The following SLCO5A1 variants were observed in gnomAD, a reference collection of about 807,000 sequenced individuals.
SLCO5A1 encodes the protein organic anion transporter polypeptide-related protein 4.
Under a neutral mutation model 65.1 loss-of-function variants are expected in SLCO5A1, and 39 were observed. The ratio of observed to expected loss-of-function variants is 0.60; its 90% confidence interval spans 0.46 to 0.78. The LOEUF (loss-of-function observed/expected upper bound fraction) is 0.78, where lower values mean the gene tolerates loss of function less well. SLCO5A1 is among the 30% of genes least tolerant of loss of function. The pLI is 0.00. For missense variants in SLCO5A1, 1,029 were observed against 1,069.4 expected, an observed-to-expected ratio of 0.96 and a Z score of 0.53; for synonymous variants, 438 against 415.7, an observed-to-expected ratio of 1.05 and a Z score of -0.65.
chr8:69,821,446 G>A (rs566025698), intron 2 of SLCO5A1, among the ~76,000 whole-genome samples: 37 of 151,566 alleles, frequency 2.4e-4, no homozygotes, highest in African/African-American at 6.5e-4. Flanking sequence ...GGAGGAGGAG[G>A]AGGAGAAGGA....
intron 2 of SLCO5A1, among the ~76,000 whole-genome samples, chr8:69,776,009 C>T (rs1009851289): frequency 2.0e-5 from 3 of 150,532 alleles, no homozygotes; most frequent in Non-Finnish European, 4.4e-5. Context: ...GACCCTGTCT[C>T]AAAAAAAGAA....
In SLCO5A1 at chr8:69,669,870, T is replaced by G. The variant is rs16936267; in HGVS notation, c.*2999A>C. The G allele has an allele frequency of 6.6e-6, 1 of 151,536 alleles. No individual in the cohort carries two copies. Among genetic ancestry groups the G allele is most frequent in the Non-Finnish European group, 1.5e-5 (1 of 67,938 alleles). The allele number at this position is 151,536 out of a possible 1,614,324, so 9.4% of individuals were successfully genotyped here. On this transcript the variant is annotated 3_prime_UTR_variant, in exon 10 of 10. Transcript: ENST00000260126. ...AGGTAATTAAGAGGATCAAAATGAA[T>G]GATGATGTATATTAAGTGCTTGTCA...
Position 69,832,027 on chromosome 8 carries a change from T to TGAGGTAAGGC in SLCO5A1, c.637_646dup (p.His216ArgfsTer47), listed in dbSNP as rs1169614898. The stretch of plus-strand genomic sequence containing the variant: ...GATCTGGTAGGGGGGCGAGATGAAG[T>TGAGGTAAGGC]GAGGTAAGGCGAAGAGGGCTGCCCC... On this transcript the variant is annotated frameshift_variant, in exon 2 of 10. Transcript: ENST00000260126. LOFTEE classifies it high-confidence loss of function. The surrounding 1 kb of genome is among the most constrained non-coding windows in gnomAD (Gnocchi z 4.5). 6.2e-7 allele frequency: 1 copy of TGAGGTAAGGC among 1,605,896 alleles called. No individual in the cohort carries two copies. The highest frequency in any genetic ancestry group is 1.3e-5 in the African/African-American group (1 of 74,536).
chr8:69,710,985 G>A (rs1190156325), intron 5 of SLCO5A1, among the ~76,000 whole-genome samples: 4 of 148,296 alleles, frequency 2.7e-5, no homozygotes, highest in African/African-American at 7.6e-5. Flanking sequence ...GCAGGGATGG[G>A]GTCGGACAGT....
At position 69,832,117 on chromosome 8, in the gene SLCO5A1, C is replaced by T. The variant is rs753503254; in HGVS notation, c.557G>A (p.Ser186Asn). The change falls in exon 2 of 10, where the codon AGC (serine) becomes AAC (asparagine). Residue 186 changes from serine to asparagine, a missense_variant. Transcript: ENST00000260126. This position sits in a 1 kb window ranked among gnomAD's most constrained non-coding sequence, Gnocchi z 4.5. The part of the protein sequence containing the change: ...IGNLVVVVFV[S>N]YFGGRGRRPL... ...CCGCCGACCCCGGCCGCCGAAGTAG[C>T]TGACGAACACCACCACCACCAGGTT... is the stretch of plus-strand genomic sequence containing the variant. The T allele has an allele frequency of 6.2e-7, 1 of 1,614,156 alleles. No homozygotes were observed. Among genetic ancestry groups the T allele is most frequent in the Non-Finnish European group, 8.5e-7 (1 of 1,180,038 alleles).
At chr8:69,739,629 G>C (rs767512174) in intron 4 of SLCO5A1, among the ~76,000 whole-genome samples, 10 of 152,028 alleles carry the variant, frequency 6.6e-5, no homozygotes, top group Non-Finnish European at 1.0e-4. Context: ...AGAAAGTTAA[G>C]ACTGCTCACT....
intron 2 of SLCO5A1, among the ~76,000 whole-genome samples, chr8:69,766,426 T>C (rs966882908): frequency 6.6e-6 from 1 of 152,198 alleles, no homozygotes; most frequent in African/African-American, 2.4e-5. Context: ...GCTCCAGTCA[T>C]ACTGGTCTCC....
intron 2 of SLCO5A1, among the ~76,000 whole-genome samples, chr8:69,777,169 A>G (rs4360297): frequency 0.065 from 9,892 of 152,276 alleles, 1,003 homozygotes; most frequent in African/African-American, 0.22. Context: ...AGAGATGAAG[A>G]GATAAACAAA....
rs977968286 is a variant in SLCO5A1 at position 69,677,706 on chromosome 8, ACAG to A, written c.2025-1036_2025-1034del. Among the ~76,000 whole-genome samples the A allele has an allele frequency of 2.0e-4, 30 of 152,350 alleles. 1 individual carries two copies. The highest frequency in any genetic ancestry group is 1.4e-3 in the Admixed American group (22 of 15,300). Reference sequence around the variant, plus strand: ...TGCACTACTATCTGGCTGTCAAGGAACAGCTTTGCTGGGAAATGCCTGATTCAG... The same window carrying A: ...TGCACTACTATCTGGCTGTCAAGGAACTTTGCTGGGAAATGCCTGATTCAG... On this transcript the variant is annotated intron_variant, in intron 8 of 9. Transcript: ENST00000260126.
chr8:69,671,393 G>C lies in SLCO5A1; in HGVS notation c.*1476C>G, dbSNP rs1813324674. On this transcript the variant is annotated 3_prime_UTR_variant, in exon 10 of 10. Transcript: ENST00000260126. ...CCTAATTAGCCCTCCATGACCATAG[G>C]CTCCTTGGCAGAAAAAGTTCACAAT... The C allele has an allele frequency of 4.6e-5, 7 of 152,156 alleles. No individual in the cohort carries two copies. The highest frequency in any genetic ancestry group is 4.6e-4 in the Admixed American group (7 of 15,282). 9.4% of individuals were successfully genotyped at this position (152,156 alleles called of 1,614,324 possible).
At chr8:69,783,885 T>C (rs1818906020) in intron 2 of SLCO5A1, among the ~76,000 whole-genome samples, 2 of 152,142 alleles carry the variant, frequency 1.3e-5, no homozygotes, top group Non-Finnish European at 2.9e-5. Context: ...TGAATCCTAA[T>C]GTAAATTATG....
intron 2 of SLCO5A1, among the ~76,000 whole-genome samples, chr8:69,763,203 G>A (rs1378411361): frequency 6.6e-6 from 1 of 151,958 alleles, no homozygotes; most frequent in East Asian, 1.9e-4. Flanking sequence ...TAGCTACTTG[G>A]GAAGCTGAGG....
chr8:69,814,669 C>A (rs1337610785), intron 2 of SLCO5A1, among the ~76,000 whole-genome samples: 2 of 152,092 alleles, frequency 1.3e-5, no homozygotes, highest in Admixed American at 1.3e-4. Flanking sequence ...TGCCAAAATA[C>A]CCAAAGTGAG....
chr8:69,680,041 T>C (rs1426536862), intron 7 of SLCO5A1, among the ~76,000 whole-genome samples: 1 of 152,250 alleles, frequency 6.6e-6, no homozygotes, highest in African/African-American at 2.4e-5. Flanking sequence ...GGCCCTAAAG[T>C]AAACATCTAT....
chr8:69,815,009 C>T (rs1410811199), intron 2 of SLCO5A1, among the ~76,000 whole-genome samples: 2 of 152,076 alleles, frequency 1.3e-5, no homozygotes, highest in East Asian at 1.9e-4. Context: ...ACAGAGGTTG[C>T]GGGATGGGGG....
At chr8:69,742,319 C>T (rs1307385727) in intron 4 of SLCO5A1, among the ~76,000 whole-genome samples, 4 of 151,982 alleles carry the variant, frequency 2.6e-5, no homozygotes, top group South Asian at 2.1e-4. Context: ...TATTTTAGAT[C>T]AGTTTCTTGG....
At chr8:69,754,620 C>A (rs1817464921) in intron 4 of SLCO5A1, among the ~76,000 whole-genome samples, 1 of 152,088 alleles carries the variant, frequency 6.6e-6, no homozygotes, top group South Asian at 2.1e-4. Context: ...ATGGGAGTGT[C>A]ACATTATAGG....
chr8:69,833,100 C>G lies in SLCO5A1; in HGVS notation c.-427G>C, dbSNP rs1368858404. On this transcript the variant is annotated 5_prime_UTR_variant, in exon 2 of 10. Transcript: ENST00000260126. ...CGCTGCTGTCCGTACAGCATCCCAC[C>G]TCGCTGCGCCAGGGGTACCGGGTGT... 1 of 168,866 alleles carries G rather than the reference C, an allele frequency of 5.9e-6. No homozygotes were observed. The allele number at this position is 168,866 out of a possible 1,614,324, so 10.5% of individuals were successfully genotyped here.
intron 6 of SLCO5A1, among the ~76,000 whole-genome samples, chr8:69,697,058 G>A (rs1357225368): frequency 6.6e-6 from 1 of 151,958 alleles, no homozygotes; most frequent in Non-Finnish European, 1.5e-5. Flanking sequence ...AGAACACAGG[G>A]AAAAGAGAAA....
Sources: allele counts gnomAD v4.1 joint callset (sites outside exome capture counted in the v4.1 genomes callset), GRCh38; gene constraint gnomAD v4.1.1; non-coding constraint Gnocchi (gnomAD v3.1); transcripts MANE v1.5; gene names NCBI Gene and HGNC (gene_info 2026-07-23, HGNC 2026-07-21).